The following ZNF438 variants were observed in gnomAD, a reference collection of about 807,000 sequenced individuals.
ZNF438 encodes the protein zinc finger protein 438.
In ZNF438, 25 loss-of-function variants were observed where a neutral mutation model predicts 38.0. That is an observed-to-expected ratio of 0.66 (90% confidence interval 0.48 to 0.92). The LOEUF is 0.92. Among genes scored for constraint, ZNF438 ranks in the 40% least tolerant of loss-of-function variants. The probability of loss-of-function intolerance (pLI) is 0.00; values close to 1 mark genes in which losing one functional copy is unlikely to be tolerated. For synonymous variants in ZNF438, 372 were observed against 364.1 expected, an observed-to-expected ratio of 1.02 and a Z score of -0.25; for missense variants, 1,007 against 999.6, an observed-to-expected ratio of 1.01 and a Z score of -0.10.
chr10:30,944,095 A>G (rs529839221), intron 1 of ZNF438, among the ~76,000 whole-genome samples: 79 of 152,268 alleles, frequency 5.2e-4, no homozygotes, highest in African/African-American at 1.8e-3. Flanking sequence ...AGAGAGCATA[A>G]GAGTAGGGCG....
intron 1 of ZNF438, among the ~76,000 whole-genome samples, chr10:30,945,723 G>A (rs1472946605): frequency 7.6e-6 from 1 of 131,442 alleles, no homozygotes; most frequent in Admixed American, 8.2e-5. Context: ...CCCTACAAAG[G>A]ACGTGAACTC....
chr10:30,874,577 CTG>C (rs1407253394), intron 4 of ZNF438, among the ~76,000 whole-genome samples: 1 of 151,962 alleles, frequency 6.6e-6, no homozygotes, highest in Non-Finnish European at 1.5e-5. Context: ...TAATGAATAA[CTG>C]GGCAATTCAT....
At chr10:30,844,926 G>C (rs750707095) in exon 6 of ZNF438, 11 of 1,590,058 alleles carry the variant, frequency 6.9e-6, no homozygotes, top group Non-Finnish European at 9.4e-6. Context: ...GGTGGCGGCA[G>C]AGCTCTCTCC....
intron 3 of ZNF438, among the ~76,000 whole-genome samples, chr10:30,902,687 C>T (rs2042155119): frequency 6.6e-6 from 1 of 152,250 alleles, no homozygotes. Flanking sequence ...CACTCACAAT[C>T]CCTTAGCTAG....
intron 3 of ZNF438, among the ~76,000 whole-genome samples, chr10:30,892,322 A>G (rs565704805): frequency 8.4e-5 from 12 of 143,184 alleles, no homozygotes; most frequent in African/African-American, 3.4e-4. Flanking sequence ...AACTAATAAG[A>G]AAATACAACA....
chr10:30,971,266 C>T lies in ZNF438; in HGVS notation c.-191-29615G>A, dbSNP rs568283697. On this transcript the variant is annotated intron_variant, in intron 1 of 5. Transcript: ENST00000413025. ...CATCCCGCCTAGCTCATAGTAACTA[C>T]GCAGTAAGTGTCAGCTGCTATTAGT... Among the ~76,000 whole-genome samples, 100 of 152,178 alleles carry T rather than the reference C, an allele frequency of 6.6e-4. 2 individuals carry two copies. In the South Asian group the frequency reaches 0.019, roughly 29 times the overall value.
chr10:31,015,558 T>C (rs1809788), intron 1 of ZNF438, among the ~76,000 whole-genome samples: 113,767 of 152,058 alleles, frequency 0.75, 43,186 homozygotes, highest in African/African-American at 0.83. Flanking sequence ...ACAGGAGAAT[T>C]GCTTGAACCT....
intron 3 of ZNF438, among the ~76,000 whole-genome samples, chr10:30,901,122 G>T (rs1403175482): frequency 6.6e-6 from 1 of 152,190 alleles, no homozygotes; most frequent in Admixed American, 6.5e-5. Flanking sequence ...TAATCAGGAA[G>T]TCGCCTTTCT....
At chr10:30,864,838 T>C (rs907413473) in intron 4 of ZNF438, among the ~76,000 whole-genome samples, 3 of 152,248 alleles carry the variant, frequency 2.0e-5, no homozygotes, top group African/African-American at 7.2e-5. Flanking sequence ...CCTAGAATCC[T>C]GAAGTTCTAT....
chr10:30,866,107 A>G (rs2036386402), intron 4 of ZNF438, among the ~76,000 whole-genome samples: 1 of 152,224 alleles, frequency 6.6e-6, no homozygotes, highest in African/African-American at 2.4e-5. Context: ...ACAAAAAAGC[A>G]GTACAAAATT....
intron 1 of ZNF438, among the ~76,000 whole-genome samples, chr10:30,943,102 T>C (rs1187347241): frequency 2.0e-5 from 3 of 152,218 alleles, no homozygotes; most frequent in Non-Finnish European, 4.4e-5. Flanking sequence ...ACAAGGTTTT[T>C]GTCATTGGTG....
intron 2 of ZNF438, among the ~76,000 whole-genome samples, chr10:30,926,952 C>T (rs141650940): frequency 1.1e-4 from 16 of 152,078 alleles, no homozygotes; most frequent in East Asian, 3.9e-4. Flanking sequence ...CAAGAGTCTC[C>T]GGTAAGTTGA....
chr10:30,904,960 T>A (rs1192615192), intron 3 of ZNF438, among the ~76,000 whole-genome samples: 1 of 152,178 alleles, frequency 6.6e-6, no homozygotes, highest in African/African-American at 2.4e-5. Context: ...TAATGCCTCA[T>A]ACTCCTAACA....
At chr10:31,031,534 G>A (rs2057294102) in intron 1 of ZNF438, among the ~76,000 whole-genome samples, 1 of 152,222 alleles carries the variant, frequency 6.6e-6, no homozygotes, top group South Asian at 2.1e-4. Flanking sequence ...AGAAAAAAAG[G>A]GACTCTCCAT....
rs190458885 is a variant in ZNF438 at position 30,933,859 on chromosome 10, G to A, written c.-115+7716C>T. 3.2e-3 allele frequency among the ~76,000 whole-genome samples: 494 copies of A among 152,118 alleles called. 1 individual carries two copies. Among genetic ancestry groups the A allele is most frequent in the African/African-American group, 0.01 (423 of 41,516 alleles). ...CACTGGGAGCCACACTGAAATCAGC[G>A]CTTGAGGACAGGCGCGGTGGCTCAC... On this transcript the variant is annotated intron_variant, in intron 2 of 5. Transcript: ENST00000413025.
At chr10:31,018,754 T>C (rs1167947647) in intron 1 of ZNF438, among the ~76,000 whole-genome samples, 1 of 151,742 alleles carries the variant, frequency 6.6e-6, no homozygotes, top group Non-Finnish European at 1.5e-5. Flanking sequence ...AGATGAAGAG[T>C]AGTAATTGGT....
At chr10:31,017,275 G>C (rs2056269148) in intron 1 of ZNF438, among the ~76,000 whole-genome samples, 1 of 152,240 alleles carries the variant, frequency 6.6e-6, no homozygotes, top group African/African-American at 2.4e-5. Flanking sequence ...TGTCCAGGCA[G>C]TCTTGGCTTT....
intron 5 of ZNF438, among the ~76,000 whole-genome samples, chr10:30,845,788 C>T (rs904209254): frequency 1.3e-5 from 2 of 152,180 alleles, no homozygotes; most frequent in African/African-American, 4.8e-5. Flanking sequence ...CTCCAGCTAC[C>T]AGGGTTCATT....
At chr10:30,862,172 G>A (rs1160979983) in intron 4 of ZNF438, among the ~76,000 whole-genome samples, 2 of 152,128 alleles carry the variant, frequency 1.3e-5, no homozygotes, top group East Asian at 3.8e-4. Flanking sequence ...TCTGACATTT[G>A]CCGAGTCAGC....
Sources: allele counts gnomAD v4.1 joint callset (sites outside exome capture counted in the v4.1 genomes callset), GRCh38; gene constraint gnomAD v4.1.1; transcripts MANE v1.5; gene names NCBI Gene and HGNC (gene_info 2026-07-23, HGNC 2026-07-21).